Variants in DHRSX observed in about 807,000 individuals in gnomAD.
DHRSX encodes the protein polyprenol dehydrogenase.
DHRSX carries 31 observed loss-of-function variants against 34.0 expected under a neutral mutation model. The ratio of observed to expected loss-of-function variants is 0.91; its 90% CI spans 0.69 to 1.23. The LOEUF (loss-of-function observed/expected upper bound fraction) is 1.23. DHRSX is among the 50% of genes most tolerant of loss of function. The pLI, the probability that DHRSX is intolerant of heterozygous loss-of-function variation, is 0.00. For missense variants in DHRSX, 414 were observed against 428.1 expected (o/e 0.97, Z 0.29); for synonymous variants, 201 against 183.8 (o/e 1.09, Z -0.76).
At chrX:2,302,108 A>ATTT (rs2042019262) in intron 3 of DHRSX, among the ~76,000 whole-genome samples, 1 of 152,138 alleles carries the variant, frequency 6.6e-6, no homozygotes, top group Non-Finnish European at 1.5e-5. Flanking sequence ...GACACTTTAA[A>ATTT]TAACACAACA....
intron 1 of DHRSX, among the ~76,000 whole-genome samples, chrX:2,464,128 A>T (rs1217707127): frequency 6.6e-6 from 1 of 151,712 alleles, no homozygotes; most frequent in Non-Finnish European, 1.5e-5. Flanking sequence ...GACGGCCGCC[A>T]TGTACGCACT....
intron 1 of DHRSX, among the ~76,000 whole-genome samples, chrX:2,447,097 C>T (rs1451053074): frequency 2.0e-5 from 3 of 151,388 alleles, no homozygotes; most frequent in Admixed American, 2.0e-4. Flanking sequence ...GTACACAAAC[C>T]GTGTACACAC....
chrX:2,286,648 A>C (rs2041808339), intron 4 of DHRSX, among the ~76,000 whole-genome samples: 1 of 151,954 alleles, frequency 6.6e-6, no homozygotes, highest in South Asian at 2.1e-4. Context: ...CCAAAAGCGA[A>C]GTCTCCAGCT....
chrX:2,479,237 A>C (rs1454648411), intron 1 of DHRSX, among the ~76,000 whole-genome samples: 2 of 150,178 alleles, frequency 1.3e-5, no homozygotes, highest in Non-Finnish European at 1.5e-5. Flanking sequence ...ATCCCTAAGC[A>C]TGTGGCTAAG....
chrX:2,396,735 C>G (rs1179205270), intron 3 of DHRSX, among the ~76,000 whole-genome samples: 2 of 150,582 alleles, frequency 1.3e-5, no homozygotes, highest in African/African-American at 4.9e-5. Context: ...ACTCCAGTCT[C>G]TGTCTCCACA....
chrX:2,431,675 C>T (rs1489832624), intron 1 of DHRSX, among the ~76,000 whole-genome samples: 3 of 152,132 alleles, frequency 2.0e-5, no homozygotes, highest in Admixed American at 6.6e-5. Context: ...AAATATCAGA[C>T]GTTCTCACTT....
intron 3 of DHRSX, among the ~76,000 whole-genome samples, chrX:2,372,905 C>T (rs1341401722): frequency 6.6e-6 from 1 of 152,150 alleles, no homozygotes; most frequent in Non-Finnish European, 1.5e-5. Context: ...AGCCACCGCG[C>T]CTGGCTGGGG....
At chrX:2,431,344 C>CA (rs201373514) in intron 1 of DHRSX, among the ~76,000 whole-genome samples, 4 of 145,482 alleles carry the variant, frequency 2.7e-5, no homozygotes, top group Admixed American at 6.9e-5. Flanking sequence ...AAAAAAAAGA[C>CA]AAAAAAAACC....
At chrX:2,395,241 C>T (rs1015572961) in intron 3 of DHRSX, among the ~76,000 whole-genome samples, 2 of 152,084 alleles carry the variant, frequency 1.3e-5, no homozygotes, top group African/African-American at 4.8e-5. Flanking sequence ...GCTCAGCTCT[C>T]CAGCCCACCT....
chrX:2,273,298 G>A (rs1026595130), intron 4 of DHRSX, among the ~76,000 whole-genome samples: 16 of 152,206 alleles, frequency 1.1e-4, no homozygotes, highest in East Asian at 3.9e-4. Flanking sequence ...GCAAACATAC[G>A]GAATCAACCT....
At chrX:2,348,878 G>C (rs1420663295) in intron 3 of DHRSX, among the ~76,000 whole-genome samples, 1 of 151,922 alleles carries the variant, frequency 6.6e-6, no homozygotes, top group Non-Finnish European at 1.5e-5. Flanking sequence ...ATTTTTAGTA[G>C]AGACGACATT....
chrX:2,315,605 C>A (rs1159335164), intron 3 of DHRSX, among the ~76,000 whole-genome samples: 2 of 152,068 alleles, frequency 1.3e-5, no homozygotes, highest in East Asian at 3.8e-4. Flanking sequence ...AGGAGCCATC[C>A]ATCTTAGCTA....
At chrX:2,425,983 T>G (rs775147060) in intron 1 of DHRSX, among the ~76,000 whole-genome samples, 7 of 152,020 alleles carry the variant, frequency 4.6e-5, no homozygotes, top group Non-Finnish European at 1.0e-4. Context: ...GTACCTGGCT[T>G]TGGGGTGGTT....
chrX:2,266,102 T>TCCCC (rs2041462825), intron 5 of DHRSX, among the ~76,000 whole-genome samples: 1 of 144,468 alleles, frequency 6.9e-6, no homozygotes, highest in African/African-American at 2.6e-5. Context: ...GGGAGCACTG[T>TCCCC]ACCCAGAGCA....
At position 2,483,587 on chromosome X, in the gene DHRSX, C is replaced by T. The variant is rs191065777; in HGVS notation, c.109+17230G>A. The stretch of plus-strand genomic sequence containing the variant: ...CACCTGGCCATGCAGCTGTTTTAAT[C>T]AGCAATTCTGAGAAGACACAAATGC... On this transcript the variant is annotated intron_variant, in intron 1 of 6. Transcript: ENST00000334651. Among the ~76,000 whole-genome samples, 16 of 152,092 alleles carry T rather than the reference C, an allele frequency of 1.1e-4. No individual in the cohort carries two copies. In the East Asian group the frequency reaches 1.9e-3, roughly 18 times the overall value.
intron 3 of DHRSX, among the ~76,000 whole-genome samples, chrX:2,342,922 C>T (rs866045645): frequency 2.0e-5 from 3 of 152,134 alleles, no homozygotes; most frequent in African/African-American, 7.2e-5. Context: ...AATATGATAA[C>T]GGTCTTCAGG....
At chrX:2,226,535 T>C (rs957366454) in intron 6 of DHRSX, among the ~76,000 whole-genome samples, 2 of 152,064 alleles carry the variant, frequency 1.3e-5, no homozygotes, top group African/African-American at 4.8e-5. Flanking sequence ...GCGCGGTAGC[T>C]CACGCCTGTC....
chrX:2,427,079 T>C (rs767959342), intron 1 of DHRSX, among the ~76,000 whole-genome samples: 2 of 152,342 alleles, frequency 1.3e-5, no homozygotes, highest in South Asian at 4.1e-4. Flanking sequence ...ATCTCACATC[T>C]TCCAGTTATG....
intron 1 of DHRSX, among the ~76,000 whole-genome samples, chrX:2,435,834 T>TA (rs938389849): frequency 6.6e-6 from 1 of 152,178 alleles, no homozygotes; most frequent in East Asian, 1.9e-4. Flanking sequence ...ATTTCATTCT[T>TA]AAAAAACAGG....
Sources: gnomAD v4.1 joint callset for allele counts (sites outside exome capture counted in the v4.1 genomes callset) on GRCh38, gnomAD v4.1.1 for gene constraint, MANE v1.5 for transcripts, NCBI Gene and HGNC (gene_info 2026-07-23, HGNC 2026-07-21) for gene names.